PLCB4: variants seen among roughly 807,000 people sequenced by gnomAD.
PLCB4 encodes the protein phospholipase C beta 4.
PLCB4 carries 77 observed loss-of-function variants against 178.8 expected under a neutral mutation model. The ratio of observed to expected loss-of-function variants is 0.43; its 90% CI spans 0.36 to 0.52. PLCB4 has a LOEUF of 0.52. Ranked by LOEUF, PLCB4 falls within the 20% of genes least tolerant of loss-of-function variation. PLCB4 has a pLI of 0.00. For missense variants in PLCB4, 1,024 were observed against 1,453.4 expected (o/e 0.70, Z 4.80); for synonymous variants, 496 against 490.8 (o/e 1.01, Z -0.14).
At chr20:9,114,674 A>G (rs2091716582) in intron 2 of PLCB4, among the ~76,000 whole-genome samples, 1 of 152,112 alleles carries the variant, frequency 6.6e-6, no homozygotes, top group African/African-American at 2.4e-5. Context: ...CATCCAGGGG[A>G]GAAGCTGCTT....
At chr20:9,123,528 T>G (rs971738576) in intron 2 of PLCB4, among the ~76,000 whole-genome samples, 1 of 152,068 alleles carries the variant, frequency 6.6e-6, no homozygotes, top group African/African-American at 2.4e-5. Context: ...CTTTTTATTT[T>G]TTAACATGAA....
At chr20:9,293,408 A>C (rs1321097887) in intron 3 of PLCB4, among the ~76,000 whole-genome samples, 4 of 147,696 alleles carry the variant, frequency 2.7e-5, no homozygotes, top group Admixed American at 2.7e-4. Flanking sequence ...AGGAAAGGGA[A>C]GGGAAGGGAA....
At chr20:9,386,847 C>A (rs567334657) in intron 14 of PLCB4, among the ~76,000 whole-genome samples, 76 of 128,360 alleles carry the variant, frequency 5.9e-4, no homozygotes, top group Non-Finnish European at 9.6e-4. Flanking sequence ...CATCTAAAAC[C>A]CAGCCCACAT....
intron 3 of PLCB4, among the ~76,000 whole-genome samples, chr20:9,298,487 G>A (rs975675886): frequency 2.4e-4 from 36 of 152,010 alleles, no homozygotes; most frequent in African/African-American, 8.7e-4. Context: ...AATTAAGCTG[G>A]ATCTCTAAAT....
At chr20:9,249,755 GGT>G (rs1381568512) in intron 3 of PLCB4, among the ~76,000 whole-genome samples, 1 of 152,084 alleles carries the variant, frequency 6.6e-6, no homozygotes, top group East Asian at 1.9e-4. Flanking sequence ...TCTTTCATAA[GGT>G]GTTAGGGAAA....
At chr20:9,359,205 C>A (rs1240008259) in intron 7 of PLCB4, among the ~76,000 whole-genome samples, 1 of 152,156 alleles carries the variant, frequency 6.6e-6, no homozygotes, top group Non-Finnish European at 1.5e-5. Context: ...TTGTCTATGT[C>A]AGTCCTAATG....
intron 3 of PLCB4, among the ~76,000 whole-genome samples, chr20:9,267,017 A>G (rs532424977): frequency 3.0e-4 from 46 of 152,292 alleles, no homozygotes; most frequent in African/African-American, 1.1e-3. Flanking sequence ...GAACAGAGCA[A>G]GTTTATGATA....
chr20:9,199,955 A>G (rs938436123), intron 2 of PLCB4, among the ~76,000 whole-genome samples: 3 of 144,822 alleles, frequency 2.1e-5, no homozygotes, highest in Non-Finnish European at 3.0e-5. Context: ...TCAGCCTACA[A>G]TAGCTCACTG....
intron 2 of PLCB4, among the ~76,000 whole-genome samples, chr20:9,118,017 T>C (rs1423882112): frequency 6.6e-6 from 1 of 151,114 alleles, no homozygotes; most frequent in Non-Finnish European, 1.5e-5. Context: ...TATAAAGTCC[T>C]CAAAAAAAAA....
At chr20:9,132,408 G>A (rs1395451588) in intron 2 of PLCB4, among the ~76,000 whole-genome samples, 1 of 152,166 alleles carries the variant, frequency 6.6e-6, no homozygotes, top group Non-Finnish European at 1.5e-5. Context: ...ACCTTTAAGA[G>A]TAATAGCTCT....
chr20:9,155,079 G>GT (rs1042398353), intron 2 of PLCB4, among the ~76,000 whole-genome samples: 4 of 151,540 alleles, frequency 2.6e-5, no homozygotes, highest in Non-Finnish European at 5.9e-5. Flanking sequence ...TTAATAGGTA[G>GT]TTTTTTGCCC....
intron 2 of PLCB4, among the ~76,000 whole-genome samples, chr20:9,216,456 A>G (rs968360799): frequency 2.0e-5 from 3 of 151,490 alleles, no homozygotes; most frequent in Non-Finnish European, 1.5e-5. Context: ...TGACCTCGTG[A>G]TCCGCCCGCC....
chr20:9,255,529 T>G (rs543310727), intron 3 of PLCB4, among the ~76,000 whole-genome samples: 8 of 152,116 alleles, frequency 5.3e-5, no homozygotes, highest in East Asian at 1.9e-4. Flanking sequence ...ACTTAGTTTT[T>G]TTTTTTTTTT....
chr20:9,231,876 A>G (rs917131278), intron 3 of PLCB4, among the ~76,000 whole-genome samples: 1 of 152,196 alleles, frequency 6.6e-6, no homozygotes, highest in Non-Finnish European at 1.5e-5. Context: ...CTTTAGTCAT[A>G]ATAGCAAAAA....
At chr20:9,352,416 G>A (rs1417901308) in intron 7 of PLCB4, among the ~76,000 whole-genome samples, 1 of 152,146 alleles carries the variant, frequency 6.6e-6, no homozygotes, top group Non-Finnish European at 1.5e-5. Flanking sequence ...TTGCTACAGG[G>A]TATCTATTAA....
At chr20:9,097,871 T>C (rs1036142911) in intron 2 of PLCB4, among the ~76,000 whole-genome samples, 1 of 152,176 alleles carries the variant, frequency 6.6e-6, no homozygotes, top group African/African-American at 2.4e-5. Context: ...GAACATACAT[T>C]GATTTCCAAA....
At chr20:9,354,563 G>T (rs149795757) in intron 7 of PLCB4, among the ~76,000 whole-genome samples, 3 of 152,152 alleles carry the variant, frequency 2.0e-5, no homozygotes, top group Non-Finnish European at 4.4e-5. Context: ...GGGCACTTCC[G>T]GTAAATTCCT....
intron 2 of PLCB4, among the ~76,000 whole-genome samples, chr20:9,109,134 C>T (rs1233883786): frequency 1.3e-5 from 2 of 152,110 alleles, no homozygotes; most frequent in Non-Finnish European, 2.9e-5. Flanking sequence ...AACAATATAG[C>T]ACGATCTTCA....
intron 21 of PLCB4, among the ~76,000 whole-genome samples, chr20:9,407,464 G>T (rs147831773): frequency 1.8e-3 from 277 of 151,668 alleles, no homozygotes; most frequent in Middle Eastern, 0.01. Flanking sequence ...CTGCCTCCTG[G>T]GTTCAAGCGA....
Sources: allele counts gnomAD v4.1 joint callset (sites outside exome capture counted in the v4.1 genomes callset), GRCh38; gene constraint gnomAD v4.1.1; transcripts MANE v1.5; gene names NCBI Gene and HGNC (gene_info 2026-07-23, HGNC 2026-07-21).